Variants in TUSC3 observed in about 807,000 individuals in gnomAD.
The protein encoded by TUSC3 is tumor suppressor candidate 3.
A neutral mutation model predicts 44.8 loss-of-function variants in TUSC3; 45 were observed. The observed-to-expected ratio is 1.00, with a 90% CI of 0.79 to 1.29. The LOEUF is 1.29. TUSC3 is among the 50% of genes most tolerant of loss of function. The pLI is 0.00. For synonymous variants in TUSC3, 212 were observed against 152.9 expected, an observed-to-expected ratio of 1.39 and a Z score of -2.85; for missense variants, 519 against 437.9, an observed-to-expected ratio of 1.19 and a Z score of -1.65.
At chr8:15,619,081 G>T (rs953651340) in intron 1 of TUSC3, among the ~76,000 whole-genome samples, 2 of 152,134 alleles carry the variant, frequency 1.3e-5, no homozygotes, top group African/African-American at 4.8e-5. Context: ...AAAGTAGTTT[G>T]ATACTTAAAA....
the TUSC3 span, among the ~76,000 whole-genome samples, chr8:15,800,668 T>C: frequency 1.3e-5 from 2 of 152,204 alleles, no homozygotes; most frequent in African/African-American, 2.4e-5. Flanking sequence ...ATCCCTGGTC[T>C]GTGCTATCTG....
chr8:15,620,399 C>G (rs916841749), intron 1 of TUSC3, among the ~76,000 whole-genome samples: 6 of 152,048 alleles, frequency 3.9e-5, no homozygotes, highest in Non-Finnish European at 5.9e-5. Context: ...AGTTAGAATT[C>G]TACATTTTTC....
At chr8:15,539,477 C>T (rs1801598579), upstream of TUSC3, among the ~76,000 whole-genome samples, 2 of 150,332 alleles carry the variant, frequency 1.3e-5, no homozygotes, top group Admixed American at 6.7e-5. Flanking sequence ...CTCAGCCTCC[C>T]AAGTAGAGGA....
chr8:15,766,846 T>G (rs1387319484), downstream of TUSC3, among the ~76,000 whole-genome samples: 1 of 152,094 alleles, frequency 6.6e-6, no homozygotes, highest in African/African-American at 2.4e-5. Flanking sequence ...AAATAAGGCA[T>G]GACAAATTAC....
intron 1 of TUSC3, among the ~76,000 whole-genome samples, chr8:15,603,961 G>A (rs1804412657): frequency 6.6e-6 from 1 of 151,560 alleles, no homozygotes; most frequent in Admixed American, 6.6e-5. Flanking sequence ...TAATGATAAT[G>A]ATTCTATTAT....
the TUSC3 span, among the ~76,000 whole-genome samples, chr8:15,786,210 T>C: frequency 6.6e-6 from 1 of 152,190 alleles, no homozygotes; most frequent in Non-Finnish European, 1.5e-5. Context: ...TGCAACTTCA[T>C]TACATACAAG....
chr8:15,602,892 C>T lies in TUSC3; in HGVS notation c.139-20188C>T, dbSNP rs11995003. ...GTAAAAGTAGATTATTACCTTGTAA[C>T]ATAAATAAAAAATAAAAACCTAAGT... On this transcript the variant is annotated intron_variant, in intron 1 of 10. Coordinates refer to ENST00000503731, the MANE Select transcript of TUSC3 (RefSeq NM_006765.4). 9.2e-5 allele frequency among the ~76,000 whole-genome samples: 14 copies of T among 151,386 alleles called. No homozygotes were observed. In the East Asian group the frequency reaches 2.5e-3, roughly 27 times the overall value.
At chr8:15,466,865 C>T (rs892991503) in intron 1 of TUSC3, among the ~76,000 whole-genome samples, 3 of 152,024 alleles carry the variant, frequency 2.0e-5, no homozygotes, top group Non-Finnish European at 2.9e-5. Flanking sequence ...GTTAATTGCT[C>T]ACTCAGAGGG....
chr8:15,441,862 C>G (rs979202620), intron 1 of TUSC3, among the ~76,000 whole-genome samples: 5 of 152,248 alleles, frequency 3.3e-5, no homozygotes, highest in Admixed American at 3.3e-4. Flanking sequence ...GTCAACCAAA[C>G]AAGTGATTTT....
intron 6 of TUSC3, among the ~76,000 whole-genome samples, chr8:15,724,117 A>G (rs957106150): frequency 6.6e-6 from 1 of 152,116 alleles, no homozygotes; most frequent in African/African-American, 2.4e-5. Context: ...ACGCCTACCT[A>G]TCTCTGTCTG....
At position 15,424,094 on chromosome 8, in the gene TUSC3, G is replaced by A. The variant is rs570857735; in HGVS notation, n.91+6789G>A. Among the ~76,000 whole-genome samples, 10 of 138,734 alleles carry A rather than the reference G, an allele frequency of 7.2e-5. No homozygotes were observed. The East Asian group carries it at 9.8e-4, about 14-fold the overall frequency. 91.0% of individuals were successfully genotyped at this position (138,734 alleles called of 152,430 possible). A position where few individuals can be genotyped will look rare whatever the true frequency, so the allele number is the denominator to read the frequency against. ...CAACCTCTACCTCCTGGGTTCAAACGATTCTCCTGCCTCAGCCTTCCAAGT... is the reference window on the plus strand; with the variant it reads ...CAACCTCTACCTCCTGGGTTCAAACAATTCTCCTGCCTCAGCCTTCCAAGT... On this transcript the variant is annotated intron_variant and non_coding_transcript_variant, in intron 1 of 5. Transcript: ENST00000503191.
chr8:15,508,435 G>T (rs1456468966), intron 2 of TUSC3, among the ~76,000 whole-genome samples: 3 of 146,824 alleles, frequency 2.0e-5, no homozygotes. Flanking sequence ...TAACTTTGAG[G>T]TAGTTTAGGA....
chr8:15,445,860 G>T (rs554481006), intron 1 of TUSC3, among the ~76,000 whole-genome samples: 17 of 152,004 alleles, frequency 1.1e-4, no homozygotes, highest in Admixed American at 6.5e-5. Context: ...ACGGGGTGGC[G>T]GCCGGGCAGA....
chr8:15,653,662 G>T (rs1408136471), intron 3 of TUSC3, among the ~76,000 whole-genome samples: 1 of 152,152 alleles, frequency 6.6e-6, no homozygotes, highest in Non-Finnish European at 1.5e-5. Flanking sequence ...TTAAAATGCA[G>T]AAATGTGTAA....
chr8:15,695,873 G>C (rs1017459735), intron 6 of TUSC3, among the ~76,000 whole-genome samples: 4 of 152,172 alleles, frequency 2.6e-5, no homozygotes, highest in African/African-American at 4.8e-5. Context: ...TTTAGGGTAT[G>C]TGGTGGAAGA....
chr8:15,819,203 G>C, the TUSC3 span, among the ~76,000 whole-genome samples: 1 of 152,156 alleles, frequency 6.6e-6, no homozygotes, highest in Non-Finnish European at 1.5e-5. Flanking sequence ...TTTTCTAGAT[G>C]TAATGGTAGT....
At chr8:15,585,854 G>A (rs898441739) in intron 1 of TUSC3, among the ~76,000 whole-genome samples, 6 of 152,230 alleles carry the variant, frequency 3.9e-5, no homozygotes, top group South Asian at 2.1e-4. Flanking sequence ...GAGCGTGACC[G>A]GGTTTTTTTG....
intron 1 of TUSC3, among the ~76,000 whole-genome samples, chr8:15,588,428 G>T (rs1235586754): frequency 1.3e-5 from 2 of 151,886 alleles, no homozygotes; most frequent in African/African-American, 4.8e-5. Context: ...TGCTCTTGAG[G>T]TGTTCGAGTT....
chr8:15,588,815 T>C (rs936447642), intron 1 of TUSC3, among the ~76,000 whole-genome samples: 1 of 152,184 alleles, frequency 6.6e-6, no homozygotes, highest in African/African-American at 2.4e-5. Context: ...GAGGGTGTCC[T>C]TTCCCCCAGT....
Sources: gnomAD v4.1 joint callset for allele counts (sites outside exome capture counted in the v4.1 genomes callset) on GRCh38, gnomAD v4.1.1 for gene constraint, MANE v1.5 for transcripts, NCBI Gene and HGNC (gene_info 2026-07-23, HGNC 2026-07-21) for gene names.